ITGA8: variants seen among roughly 807,000 people sequenced by gnomAD.
ITGA8 encodes integrin alpha-8.
A neutral mutation model predicts 142.3 loss-of-function variants in ITGA8; 91 were observed. That is an observed-to-expected ratio of 0.64 (90% confidence interval 0.54 to 0.76). The LOEUF (loss-of-function observed/expected upper bound fraction) is 0.76, where lower values mean the gene tolerates loss of function less well. ITGA8 is among the 30% of genes least tolerant of loss of function. The pLI, the probability that ITGA8 is intolerant of heterozygous loss-of-function variation, is 0.00. For synonymous variants in ITGA8, 505 were observed against 485.2 expected (o/e 1.04, Z -0.54); for missense variants, 1,406 against 1,327.7 (o/e 1.06, Z -0.92).
chr10:15,613,800 A>G (rs1833345436), intron 14 of ITGA8, 33 bp from the exon 15 acceptor site: 6 of 1,480,160 alleles, frequency 4.1e-6, no homozygotes, highest in Non-Finnish European at 5.7e-6. Context: ...TTGTTTAAAT[A>G]AAACACAAGG....
intron 25 of ITGA8, among the ~76,000 whole-genome samples, chr10:15,558,623 T>C (rs1016029497): frequency 2.0e-5 from 3 of 152,156 alleles, no homozygotes; most frequent in African/African-American, 7.2e-5. Context: ...GACAGAATAG[T>C]GAGGTGCCAA....
Position 15,558,157 on chromosome 10 carries a change from G to T in ITGA8, c.2683C>A (p.Arg895=), listed in dbSNP as rs752710916. ...EDTPELSAFL[R]NSTIPHLVRK... is the part of the protein sequence containing the mutation. ...ACAAGATGAGGAATAGTAGAGTTTC[G>T]CAAAAAGGCGCTGAGCTCAGGGGTG... Residue 895 remains arginine, a synonymous_variant, in exon 26 of 30, where the codon CGA becomes AGA. Transcript: ENST00000378076. 8 of 1,614,076 alleles carry T rather than the reference G, an allele frequency of 5.0e-6. No individual in the cohort carries two copies. In the South Asian group the frequency reaches 7.7e-5, roughly 16 times the overall value.
At chr10:15,657,510 A>ATTTTTTTTTTT (rs34510305) in intron 10 of ITGA8, among the ~76,000 whole-genome samples, 37 of 132,512 alleles carry the variant, frequency 2.8e-4, no homozygotes, top group African/African-American at 9.7e-4. Context: ...CTTTTCTTTC[A>ATTTTTTTTTTT]TTTTTTTTTT....
In ITGA8 at chr10:15,558,213, A is replaced by G. The variant is rs776662841; in HGVS notation, c.2638-11T>C. On this transcript the variant is annotated splice_polypyrimidine_tract_variant and intron_variant, in intron 25 of 29. Coordinates refer to ENST00000378076, the MANE Select transcript of ITGA8 (RefSeq NM_003638.3). The stretch of plus-strand genomic sequence containing the variant: ...TGGGGAGGCAGCAGGCTGCAAAAAG[A>G]AAGTGGGAGATACCACATTAAAAAC... 6.2e-7 allele frequency: 1 copy of G among 1,614,032 alleles called. No homozygotes were observed. Among genetic ancestry groups the G allele is most frequent in the South Asian group, 1.1e-5 (1 of 91,036 alleles).
chr10:15,517,979 G>C lies in ITGA8; in HGVS notation c.3106-735C>G, dbSNP rs1325712861. ...GCTTTGGGGTGGATTATAGAAAGAA[G>C]TGAAGAGATGGCCACACATCCCTCG... On this transcript the variant is annotated intron_variant, in intron 29 of 29. Coordinates refer to ENST00000378076, the MANE Select transcript of ITGA8 (RefSeq NM_003638.3). Among the ~76,000 whole-genome samples the C allele has an allele frequency of 2.6e-5, 4 of 152,318 alleles. No homozygotes were observed. In the South Asian group the frequency reaches 6.2e-4, roughly 24 times the overall value.
chr10:15,708,061 C>A (rs1588742306), intron 2 of ITGA8, among the ~76,000 whole-genome samples: 3 of 151,870 alleles, frequency 2.0e-5, no homozygotes, highest in South Asian at 4.2e-4. Context: ...TTCCTATGAA[C>A]CCCATCCGAC....
At chr10:15,586,248 AG>A (rs539546354) in intron 23 of ITGA8, among the ~76,000 whole-genome samples, 419 of 151,852 alleles carry the variant, frequency 2.8e-3, no homozygotes, top group Non-Finnish European at 4.8e-3. Flanking sequence ...TAGGAGAGAC[AG>A]GGTTTCACGA....
chr10:15,554,405 C>G (rs915360551), intron 26 of ITGA8, among the ~76,000 whole-genome samples: 2 of 152,202 alleles, frequency 1.3e-5, no homozygotes, highest in African/African-American at 4.8e-5. Context: ...AAATAATGCA[C>G]TATTCTTTTG....
Position 15,719,759 on chromosome 10 carries a change from C to T in ITGA8, c.13G>A (p.Ala5Thr), listed in dbSNP as rs1465711267. 5 of 1,353,280 alleles carry T rather than the reference C, an allele frequency of 3.7e-6. No individual in the cohort carries two copies. The highest frequency in any genetic ancestry group is 1.9e-5 in the South Asian group (1 of 53,734). 83.8% of individuals were successfully genotyped at this position (1,353,280 alleles called of 1,614,324 possible). The change falls in exon 1 of 30, where the codon GCC becomes ACC. Residue 5 changes from alanine to threonine, a missense_variant. Physicochemically the swap from Ala to Thr is moderately conservative, Grantham distance 58. Coordinates refer to ENST00000378076, the MANE Select transcript of ITGA8 (RefSeq NM_003638.3). ...TGGCTTCCCCGGGGACCGCGGCTGG[C>T]CCCGGGCGACATCTCCCTCCGCCCC... Reference protein sequence around the residue: MSPGASRGPRGSQAP... With the variant: MSPGTSRGPRGSQAP...
At chr10:15,619,885 C>G (rs565166042) in intron 13 of ITGA8, among the ~76,000 whole-genome samples, 1 of 152,218 alleles carries the variant, frequency 6.6e-6, no homozygotes, top group South Asian at 2.1e-4. Context: ...AACTGATTCA[C>G]GATGAATTAT....
At chr10:15,544,696 C>G (rs1240276138) in intron 27 of ITGA8, among the ~76,000 whole-genome samples, 1 of 152,198 alleles carries the variant, frequency 6.6e-6, no homozygotes, top group African/African-American at 2.4e-5. Flanking sequence ...GGATTCTTCC[C>G]TCCTGGTATT....
chr10:15,675,464 CTCT>C (rs951853086), intron 6 of ITGA8, among the ~76,000 whole-genome samples: 9 of 152,284 alleles, frequency 5.9e-5, no homozygotes, highest in African/African-American at 1.9e-4. Context: ...TCTCAAATTT[CTCT>C]TCTTTTACAG....
intron 27 of ITGA8, 128 bp from the exon 28 acceptor site, chr10:15,531,279 T>G (rs1216384162): frequency 6.1e-6 from 3 of 489,382 alleles, no homozygotes; most frequent in African/African-American, 4.1e-5. Flanking sequence ...TTTAATTTTC[T>G]CTCTTTTAAC....
chr10:15,634,846 T>C (rs747253751), intron 13 of ITGA8, among the ~76,000 whole-genome samples: 44 of 152,286 alleles, frequency 2.9e-4, no homozygotes, highest in Admixed American at 4.6e-4. Flanking sequence ...TAGCTCATTG[T>C]ACTATGTTTA....
intron 12 of ITGA8, among the ~76,000 whole-genome samples, chr10:15,644,470 ATATATATATATATATATATATAGAAT>A (rs1202071288): frequency 6.2e-4 from 11 of 17,696 alleles, no homozygotes; most frequent in Admixed American, 4.2e-3. Context: ...ATATATATAT[ATATATATATATATATATATATAGAAT>A]TTTTTTTTTT....
chr10:15,675,658 A>G (rs1163524168), intron 6 of ITGA8, among the ~76,000 whole-genome samples: 1 of 152,166 alleles, frequency 6.6e-6, no homozygotes, highest in African/African-American at 2.4e-5. Flanking sequence ...ATCCTTTCAA[A>G]ACATAATTTG....
intron 2 of ITGA8, among the ~76,000 whole-genome samples, chr10:15,710,980 G>A (rs1436610424): frequency 1.3e-5 from 2 of 152,118 alleles, no homozygotes; most frequent in African/African-American, 4.8e-5. Flanking sequence ...TCAAATATCA[G>A]AGCTGAAGAA....
At chr10:15,589,662 T>G (rs113173171) in intron 22 of ITGA8, among the ~76,000 whole-genome samples, 90 of 152,282 alleles carry the variant, frequency 5.9e-4, no homozygotes, top group African/African-American at 2.0e-3. Flanking sequence ...ATTTAGATCC[T>G]TATTTACAGC....
intron 22 of ITGA8, among the ~76,000 whole-genome samples, chr10:15,591,405 A>ATATATTATATTATAT (rs3041564): frequency 2.8e-3 from 401 of 143,744 alleles, no homozygotes; most frequent in South Asian, 5.5e-3. Context: ...CTGTATTAAT[A>ATATATTATATTATAT]TATATTATAT....
Sources: allele counts gnomAD v4.1 joint callset (sites outside exome capture counted in the v4.1 genomes callset), GRCh38; gene constraint gnomAD v4.1.1; transcripts MANE v1.5; gene names NCBI Gene and HGNC (gene_info 2026-07-23, HGNC 2026-07-21).